The following SURF4 variants were observed in gnomAD, a reference collection of about 807,000 sequenced individuals.
The protein encoded by SURF4 is surfeit 4, also known as surfeit locus protein 4.
Under a neutral mutation model 30.0 loss-of-function variants are expected in SURF4, and 3 were observed. That is an observed-to-expected ratio of 0.10 (90% CI 0.05 to 0.26). The LOEUF (loss-of-function observed/expected upper bound fraction) is 0.26, where lower values mean the gene tolerates loss of function less well. Among genes scored for constraint, SURF4 ranks in the 10% least tolerant of loss-of-function variants. The probability of loss-of-function intolerance (pLI) is 1.00; values close to 1 mark genes in which losing one functional copy is unlikely to be tolerated. For missense variants in SURF4, 217 were observed against 350.8 expected, an observed-to-expected ratio of 0.62 and a Z score of 3.05; for synonymous variants, 143 against 139.9, an observed-to-expected ratio of 1.02 and a Z score of -0.16.
At position 133,363,477 on chromosome 9, in the gene SURF4, T is replaced by C. The variant is rs2130087001; in HGVS notation, c.*16A>G. The C allele has an allele frequency of 1.1e-5, 17 of 1,614,232 alleles. No individual in the cohort carries two copies. In the South Asian group the frequency reaches 1.8e-4, roughly 17 times the overall value. ...CGGCCACGGGTCTTAGCCAGGCAGG[T>C]AGGGATCTGTGACTGTTACCACTCC... On this transcript the variant is annotated 3_prime_UTR_variant, in exon 6 of 6. Coordinates refer to ENST00000371989, the MANE Select transcript of SURF4 (RefSeq NM_033161.4). The surrounding 1 kb of genome is among the most constrained non-coding windows in gnomAD (Gnocchi z 4.3).
upstream of SURF4, chr9:133,376,267 G>A (rs1837934418): frequency 9.2e-6 from 12 of 1,301,904 alleles, no homozygotes; most frequent in South Asian, 1.2e-4. Flanking sequence ...CCCGCCCGCC[G>A]CGCGCAGGCC....
chr9:133,375,249 C>A lies in SURF4; in HGVS notation c.48+673G>T, dbSNP rs144903223. 2.1e-3 allele frequency: 2,027 copies of A among 985,514 alleles called. 2 individuals are homozygous for A. Among genetic ancestry groups the A allele is most frequent in the Middle Eastern group, 0.011 (21 of 1,916 alleles). The allele number at this position is 985,514 out of a possible 1,614,324, so 61.0% of individuals were successfully genotyped here. A position where few individuals can be genotyped will look rare whatever the true frequency, so the allele number is the denominator to read the frequency against. ...TGCTCAGAATGCCACCTGGACACTT[C>A]TGGAAGGAGACTATCAGGGAGATAG... On this transcript the variant is annotated intron_variant, in intron 1 of 5. Coordinates refer to ENST00000371989, the MANE Select transcript of SURF4 (RefSeq NM_033161.4).
intron 2 of SURF4, 116 bp downstream of exon 2, chr9:133,367,143 G>A: frequency 1.5e-6 from 2 of 1,323,218 alleles, no homozygotes; most frequent in South Asian, 2.9e-5. Flanking sequence ...GAGAAGAGGG[G>A]AATGGAGGGG....
In SURF4 at chr9:133,368,602, C is replaced by T. The variant is rs1389078043; in HGVS notation, c.49-1157G>A. Among the ~76,000 whole-genome samples, 5 of 152,200 alleles carry T rather than the reference C, an allele frequency of 3.3e-5. No individual in the cohort carries two copies. The East Asian group carries it at 7.7e-4, about 23-fold the overall frequency. The stretch of plus-strand genomic sequence containing the variant: ...GACAGCTGTTTCAACAGCAATGAAA[C>T]GCAAGTGTGTGAAATCACTGTCAAA... On this transcript the variant is annotated intron_variant, in intron 1 of 5. Transcript: ENST00000371989.
At position 133,363,273 on chromosome 9, in the gene SURF4, G is replaced by A; in HGVS notation, c.*220C>T. 1 of 799,520 alleles carries A rather than the reference G, an allele frequency of 1.3e-6. No individual in the cohort carries two copies. The highest frequency in any genetic ancestry group is 2.1e-6 in the Non-Finnish European group (1 of 471,366). 49.5% of individuals were successfully genotyped at this position (799,520 alleles called of 1,614,324 possible). On this transcript the variant is annotated 3_prime_UTR_variant, in exon 6 of 6. Coordinates refer to ENST00000371989, the MANE Select transcript of SURF4 (RefSeq NM_033161.4). This position sits in a 1 kb window ranked among gnomAD's most constrained non-coding sequence, Gnocchi z 4.3. ...GGGGGAGGCTTCCAGCTGCCAGGCT[G>A]GCCTGCACTGAAGGGTCAGACGCCA...
At chr9:133,368,470 C>T (rs1249911864) in intron 1 of SURF4, among the ~76,000 whole-genome samples, 1 of 152,240 alleles carries the variant, frequency 6.6e-6, no homozygotes, top group African/African-American at 2.4e-5. Context: ...TGTGCAGCAA[C>T]CGTCAGCGCA....
upstream of SURF4, chr9:133,376,261 C>T: frequency 7.7e-7 from 1 of 1,304,944 alleles, no homozygotes; most frequent in East Asian, 3.2e-5. Context: ...GGAGGCCCCG[C>T]CCGCCGCGCG....
At position 133,363,527 on chromosome 9, in the gene SURF4, C is replaced by A; in HGVS notation, c.776G>T (p.Gly259Val). The change falls in exon 6 of 6, where the codon GGT becomes GTT. Residue 259 changes from glycine (G) to valine (V), a missense_variant. Coordinates refer to ENST00000371989, the MANE Select transcript of SURF4 (RefSeq NM_033161.4). The surrounding 1 kb of genome is among the most constrained non-coding windows in gnomAD (Gnocchi z 4.3). The stretch of plus-strand genomic sequence containing the variant: ...CTTCTTCTTCTCATCCATGGAGACA[C>A]CCCCAGGGCCCAGGGCCACCACCAG... Reference protein sequence around the residue: ...LLLVVALGPGGVSMDEKKKEW With the variant: ...LLLVVALGPGVVSMDEKKKEW The A allele has an allele frequency of 3.1e-6, 5 of 1,614,182 alleles. No homozygotes were observed. The highest frequency in any genetic ancestry group is 4.2e-6 in the Non-Finnish European group (5 of 1,180,040).
In SURF4 at chr9:133,362,497, AGCTGGGAAAGGGCGGTGCT is replaced by A. The variant is rs1355410140; in HGVS notation, c.*977_*995del. ...TCGGGGCTGTCCACAGGGCGAGTGC[AGCTGGGAAAGGGCGGTGCT>A]GCTCAGCCAGGGCGGCCTGCGCTTT... On this transcript the variant is annotated 3_prime_UTR_variant, in exon 6 of 6. Transcript: ENST00000371989. 1.3e-5 allele frequency: 2 copies of A among 152,710 alleles called. No individual in the cohort carries two copies. The highest frequency in any genetic ancestry group is 4.8e-5 in the African/African-American group (2 of 41,456). The allele number at this position is 152,710 out of a possible 1,614,324, so 9.5% of individuals were successfully genotyped here. A position where few individuals can be genotyped will look rare whatever the true frequency, so the allele number is the denominator to read the frequency against.
At chr9:133,373,139 G>A (rs773097303) in intron 1 of SURF4, among the ~76,000 whole-genome samples, 3 of 152,222 alleles carry the variant, frequency 2.0e-5, no homozygotes, top group Non-Finnish European at 2.9e-5. Flanking sequence ...GGGGCTGGGG[G>A]CGCTGGGGAC....
At chr9:133,368,736 T>C (rs1330149471) in intron 1 of SURF4, among the ~76,000 whole-genome samples, 1 of 152,152 alleles carries the variant, frequency 6.6e-6, no homozygotes, top group Non-Finnish European at 1.5e-5. Context: ...CAGGTACAAA[T>C]GTCACGCAGG....
In SURF4 at chr9:133,364,896, C is replaced by G. The variant is rs1444008889; in HGVS notation, c.487G>C (p.Val163Leu). 2 of 1,613,944 alleles carry G rather than the reference C, an allele frequency of 1.2e-6. No individual in the cohort carries two copies. The highest frequency in any genetic ancestry group is 1.7e-6 in the Non-Finnish European group (2 of 1,180,012). The change falls in exon 5 of 6, where the codon GTC becomes CTC. Residue 163 changes from valine (V) to leucine (L), a missense_variant. Transcript: ENST00000371989. Reference protein sequence around the residue: ...PKQYMQLGGRVLLVLMFMTLL... With the variant: ...PKQYMQLGGRLLLVLMFMTLL... Reference sequence around the variant, plus strand: ...GTCATGAACATCAGAACCAGCAAGACCCTGCCTCCGAGCTGCATGTACTGT... The same window carrying G: ...GTCATGAACATCAGAACCAGCAAGAGCCTGCCTCCGAGCTGCATGTACTGT...
rs2130131536 is a variant in SURF4, at chr9:133,366,691, A to T, written c.236-16T>A. On this transcript the variant is annotated splice_polypyrimidine_tract_variant and intron_variant, in intron 2 of 5. Coordinates refer to ENST00000371989, the MANE Select transcript of SURF4 (RefSeq NM_033161.4). The stretch of plus-strand genomic sequence containing the variant: ...ACGCAGCCAGCTGGAGAGAAGGACA[A>T]GGGTTAGGGGGCCTGAGGGTGGGTG... 1 of 1,612,426 alleles carries T rather than the reference A, an allele frequency of 6.2e-7. No individual in the cohort carries two copies. The highest frequency in any genetic ancestry group is 1.3e-5 in the African/African-American group (1 of 75,016).
intron 1 of SURF4, chr9:133,370,756 C>T (rs1837456733): frequency 1.4e-6 from 1 of 730,176 alleles, no homozygotes; most frequent in Non-Finnish European, 2.1e-6. Flanking sequence ...CCTGTGTAAA[C>T]ACGGCGAGCA....
At chr9:133,369,183 A>C (rs1837359929) in intron 1 of SURF4, among the ~76,000 whole-genome samples, 2 of 152,242 alleles carry the variant, frequency 1.3e-5, no homozygotes, top group African/African-American at 4.8e-5. Context: ...CCAGGTGGCC[A>C]TTCTCCCCAA....
Position 133,375,970 on chromosome 9 carries a change from G to A in SURF4, c.-1C>T. ...TGCCCATCAGGTCGTTCTGGCCCAT[G>A]GCGACGGCGGGAGGCTCGGCTCGGC... On this transcript the variant is annotated 5_prime_UTR_variant, in exon 1 of 6. Coordinates refer to ENST00000371989, the MANE Select transcript of SURF4 (RefSeq NM_033161.4). 2.4e-6 allele frequency: 3 copies of A among 1,230,250 alleles called. No individual in the cohort carries two copies. The highest frequency in any genetic ancestry group is 3.1e-6 in the Non-Finnish European group (3 of 982,682). 76.2% of individuals were successfully genotyped at this position (1,230,250 alleles called of 1,614,324 possible).
Position 133,364,954 on chromosome 9 carries a change from C to T in SURF4, c.429G>A (p.Ala143=), listed in dbSNP as rs2130112070. The T allele has an allele frequency of 1.5e-4, 243 of 1,612,610 alleles. No homozygotes were observed. The highest frequency in any genetic ancestry group is 1.9e-4 in the Non-Finnish European group (229 of 1,179,338). ...AGCTCTCACGCATGGTGGGGACGCC[C>T]GCAAACATGCTCTTCCCTTCAGAAC... The part of the protein sequence containing the change: ...ESRSEGKSMF[A]GVPTMRESSP... Residue 143 remains alanine (A), a synonymous_variant, in exon 5 of 6, where the codon GCG becomes GCA. Transcript: ENST00000371989.
chr9:133,371,517 G>GT (rs1370159939), intron 1 of SURF4, among the ~76,000 whole-genome samples: 1 of 152,222 alleles, frequency 6.6e-6, no homozygotes, highest in Non-Finnish European at 1.5e-5. Flanking sequence ...TAGGAAAGAC[G>GT]TAACTGAGAA....
chr9:133,368,988 G>A (rs1307562000), intron 1 of SURF4, among the ~76,000 whole-genome samples: 3 of 152,198 alleles, frequency 2.0e-5, no homozygotes, highest in African/African-American at 4.8e-5. Flanking sequence ...AGATATGCGT[G>A]TTTCTTATTT....
Sources: allele counts gnomAD v4.1 joint callset (sites outside exome capture counted in the v4.1 genomes callset), GRCh38; gene constraint gnomAD v4.1.1; non-coding constraint Gnocchi (gnomAD v3.1); transcripts MANE v1.5; gene names NCBI Gene and HGNC (gene_info 2026-07-23, HGNC 2026-07-21).